DLGAP2: variants seen among roughly 807,000 people sequenced by gnomAD.
DLGAP2 encodes disks large-associated protein 2.
Under a neutral mutation model 100.3 loss-of-function variants are expected in DLGAP2, and 26 were observed. That is an observed-to-expected ratio of 0.26 (90% confidence interval 0.19 to 0.36). The LOEUF is 0.36. DLGAP2 is among the 10% of genes least tolerant of loss of function. The pLI, the probability that DLGAP2 is intolerant of heterozygous loss-of-function variation, is 1.00. For missense variants in DLGAP2, 1,858 were observed against 1,453.2 expected (o/e 1.28, Z -4.53); for synonymous variants, 886 against 630.1 (o/e 1.41, Z -6.08).
chr8:971,507 G>T (rs1186802927), intron 2 of DLGAP2, among the ~76,000 whole-genome samples: 1 of 152,202 alleles, frequency 6.6e-6, no homozygotes, highest in Non-Finnish European at 1.5e-5. Flanking sequence ...GCTGGAGTCA[G>T]CACCCACTGG....
Position 885,987 on chromosome 8 carries a change from G to C in DLGAP2, c.19-21925G>C, listed in dbSNP as rs1399388642. Among the ~76,000 whole-genome samples the C allele has an allele frequency of 2.0e-5, 3 of 152,190 alleles. No individual in the cohort carries two copies. The South Asian group carries it at 6.2e-4, about 32-fold the overall frequency. On this transcript the variant is annotated intron_variant, in intron 1 of 14. Coordinates refer to ENST00000637795, the MANE Select transcript of DLGAP2 (RefSeq NM_001346810.2). ...TTCAGAAGGAATGGTACCAGTGCCT[G>C]TTTGTATTTCTGGTAGAATTCAGCT...
chr8:1,370,312 G>T (rs115215393), intron 3 of DLGAP2, among the ~76,000 whole-genome samples: 1 of 152,060 alleles, frequency 6.6e-6, no homozygotes, highest in African/African-American at 2.4e-5. Flanking sequence ...GTCACACGGC[G>T]TGATTCATCC....
chr8:1,696,488 A>G (rs1355813251), intron 13 of DLGAP2, among the ~76,000 whole-genome samples: 1 of 152,058 alleles, frequency 6.6e-6, no homozygotes, highest in Non-Finnish European at 1.5e-5. Context: ...ACAGAGAAAG[A>G]CCCTGTCTCA....
intron 2 of DLGAP2, among the ~76,000 whole-genome samples, chr8:1,106,192 TG>T (rs1375495948): frequency 6.7e-6 from 1 of 148,852 alleles, no homozygotes; most frequent in Non-Finnish European, 1.5e-5. Flanking sequence ...GGTTTTCTAC[TG>T]AAGGGAGCCA....
intron 2 of DLGAP2, among the ~76,000 whole-genome samples, chr8:1,069,341 T>C (rs1025408527): frequency 5.3e-5 from 8 of 152,134 alleles, no homozygotes; most frequent in African/African-American, 1.7e-4. Flanking sequence ...CTGCGGCCCG[T>C]GGACAGGTCG....
chr8:1,060,835 GC>G (rs1396239422), intron 2 of DLGAP2, among the ~76,000 whole-genome samples: 1 of 152,222 alleles, frequency 6.6e-6, no homozygotes, highest in Non-Finnish European at 1.5e-5. Context: ...GGAGGCCACA[GC>G]CAGGGCAGCC....
At chr8:1,319,091 CGGCCT>C (rs1283742122) in intron 3 of DLGAP2, among the ~76,000 whole-genome samples, 4 of 152,016 alleles carry the variant, frequency 2.6e-5, no homozygotes, top group Non-Finnish European at 5.9e-5. Context: ...GCGGGATTAG[CGGCCT>C]CTGAGGTCTC....
chr8:1,086,131 C>T (rs111318194), intron 2 of DLGAP2, among the ~76,000 whole-genome samples: 15 of 152,100 alleles, frequency 9.9e-5, no homozygotes, highest in African/African-American at 3.6e-4. Context: ...TGCCATTTTA[C>T]CACATTTGTT....
At chr8:1,199,825 G>GA (rs75310152) in intron 2 of DLGAP2, among the ~76,000 whole-genome samples, 6 of 151,746 alleles carry the variant, frequency 4.0e-5, no homozygotes, top group East Asian at 1.9e-4. Context: ...AGTGAAGAGG[G>GA]AAAAAAAATA....
At chr8:1,581,860 A>G in intron 6 of DLGAP2, among the ~76,000 whole-genome samples, 1 of 151,900 alleles carries the variant, frequency 6.6e-6, no homozygotes, top group African/African-American at 2.4e-5. Context: ...AAACCCCCAC[A>G]CATATATACA....
At chr8:1,660,420 A>G (rs1462366201) in intron 8 of DLGAP2, among the ~76,000 whole-genome samples, 1 of 152,232 alleles carries the variant, frequency 6.6e-6, no homozygotes, top group Non-Finnish European at 1.5e-5. Flanking sequence ...TATTATATGC[A>G]TATACGCCCA....
intron 3 of DLGAP2, among the ~76,000 whole-genome samples, chr8:1,417,726 G>GGGGGGCACGGGGAGCCCC (rs1796967566): frequency 1.6e-4 from 23 of 142,478 alleles, no homozygotes; most frequent in African/African-American, 3.1e-4. Flanking sequence ...CGAGGCTCCA[G>GGGGGGCACGGGGAGCCCC]ACACAGAAGC....
chr8:1,668,578 C>A lies in DLGAP2; in HGVS notation c.2060C>A (p.Pro687Gln). 6.3e-7 allele frequency: 1 copy of A among 1,595,728 alleles called. No individual in the cohort carries two copies. Among genetic ancestry groups the A allele is most frequent in the Non-Finnish European group, 8.5e-7 (1 of 1,172,178 alleles). The part of the protein sequence containing the change: ...LETAAAQRHL[P>Q]ESQSSSVRTS... The stretch of plus-strand genomic sequence containing the variant: ...ACGGCCGCTGCCCAGCGCCACCTGC[C>A]AGAGAGCCAGAGCAGCTCTGTGCGG... Residue 687 changes from proline to glutamine, a missense_variant, in exon 9 of 15, where the codon CCA (proline) becomes CAA (glutamine). Pro to Gln is a moderately conservative substitution (Grantham distance 76). Transcript: ENST00000637795.
At chr8:1,468,652 C>A (rs142689139) in intron 3 of DLGAP2, among the ~76,000 whole-genome samples, 1 of 152,298 alleles carries the variant, frequency 6.6e-6, no homozygotes, top group South Asian at 2.1e-4. Context: ...GTGCATTCCT[C>A]GCTTTATTTA....
intron 2 of DLGAP2, among the ~76,000 whole-genome samples, chr8:1,085,183 G>A (rs903497132): frequency 3.5e-4 from 53 of 152,146 alleles, no homozygotes; most frequent in Admixed American, 3.4e-3. Flanking sequence ...GTGTGTTCAG[G>A]TACCTTGCCC....
chr8:1,537,061 CTGGTATG>C (rs67410338), intron 4 of DLGAP2, among the ~76,000 whole-genome samples: 81,255 of 150,440 alleles, frequency 0.54, 22,335 homozygotes, highest in South Asian at 0.67. Flanking sequence ...GGCAGCACCA[CTGGTATG>C]TGGTATGTGG....
chr8:961,164 A>G (rs1464470966), intron 2 of DLGAP2, among the ~76,000 whole-genome samples: 1 of 152,222 alleles, frequency 6.6e-6, no homozygotes, highest in Non-Finnish European at 1.5e-5. Flanking sequence ...TGGTTAGTGT[A>G]CATACTTCTT....
chr8:1,070,903 C>T (rs960523555), intron 2 of DLGAP2, among the ~76,000 whole-genome samples: 16 of 152,220 alleles, frequency 1.1e-4, no homozygotes, highest in Non-Finnish European at 1.9e-4. Flanking sequence ...CACTGAGCAC[C>T]GTTGGCTCCA....
At position 1,701,266 on chromosome 8, in the gene DLGAP2, G is replaced by C. The variant is rs774276744; in HGVS notation, c.3028G>C (p.Asp1010His). 1.3e-6 allele frequency: 2 copies of C among 1,582,130 alleles called. No homozygotes were observed. The highest frequency in any genetic ancestry group is 2.3e-5 in the South Asian group (2 of 86,520). The stretch of plus-strand genomic sequence containing the variant: ...TCCCATCACAAGAGAAAAATCCCTG[G>C]ACCTGCCCGACAGACAACGCCAGGA... ...KFPITREKSLDLPDRQRQEAR... is the reference protein window; with the variant it reads ...KFPITREKSLHLPDRQRQEAR... The change falls in exon 15 of 15, where the codon GAC (aspartate) becomes CAC (histidine). Residue 1010 changes from aspartate (D) to histidine (H), a missense_variant. Physicochemically the swap from Asp to His is moderately conservative, Grantham distance 81. Coordinates refer to ENST00000637795, the MANE Select transcript of DLGAP2 (RefSeq NM_001346810.2).
Sources: allele counts gnomAD v4.1 joint callset (sites outside exome capture counted in the v4.1 genomes callset), GRCh38; gene constraint gnomAD v4.1.1; transcripts MANE v1.5; gene names NCBI Gene and HGNC (gene_info 2026-07-23, HGNC 2026-07-21).